Variants in PEAK1 observed in about 807,000 individuals in gnomAD.
The protein encoded by PEAK1 is inactive tyrosine-protein kinase PEAK1.
A neutral mutation model predicts 124.7 loss-of-function variants in PEAK1; 54 were observed. The observed-to-expected ratio is 0.43, with a 90% CI of 0.35 to 0.54. The LOEUF (loss-of-function observed/expected upper bound fraction) is 0.54. Ranked by LOEUF, PEAK1 falls within the 20% of genes least tolerant of loss-of-function variation. PEAK1 has a pLI of 0.01. For synonymous variants in PEAK1, 719 were observed against 760.0 expected (o/e 0.95, Z 0.89); for missense variants, 2,046 against 2,134.5 (o/e 0.96, Z 0.82).
rs781121837 is a variant in PEAK1, at chr15:77,179,602, T to C, written c.2325A>G (p.Gln775=). Residue 775 remains glutamine (Q), a synonymous_variant, in exon 7 of 10, where the codon CAA becomes CAG. Coordinates refer to ENST00000682557, the MANE Select transcript of PEAK1 (RefSeq NM_001385026.1). ...TVLSQIVASI[Q]PPQSPPETPQ... is the part of the protein sequence containing the mutation. ...GTGTTTCTGGAGGAGACTGTGGGGGTTGGATTGAAGCCACAATCTGAGAAA... is the reference window on the plus strand; with the variant it reads ...GTGTTTCTGGAGGAGACTGTGGGGGCTGGATTGAAGCCACAATCTGAGAAA... The C allele has an allele frequency of 1.7e-5, 28 of 1,613,954 alleles. No homozygotes were observed. The highest frequency in any genetic ancestry group is 2.2e-5 in the East Asian group (1 of 44,876).
intron 6 of PEAK1, among the ~76,000 whole-genome samples, chr15:77,192,404 C>T (rs17383078): frequency 0.22 from 33,965 of 152,160 alleles, 4,237 homozygotes; most frequent in Middle Eastern, 0.3. Context: ...AATAGGTTTC[C>T]ACAGGACTGT....
intron 2 of PEAK1, among the ~76,000 whole-genome samples, chr15:77,324,910 A>G (rs1218628042): frequency 6.6e-6 from 1 of 152,198 alleles, no homozygotes; most frequent in Non-Finnish European, 1.5e-5. Flanking sequence ...ATGGGGACAC[A>G]GATTCAAACC....
At chr15:77,198,036 A>C (rs1287595061) in intron 6 of PEAK1, among the ~76,000 whole-genome samples, 1 of 152,194 alleles carries the variant, frequency 6.6e-6, no homozygotes, top group Non-Finnish European at 1.5e-5. Context: ...CTATTATAAA[A>C]AGTTAAAATT....
In PEAK1 at chr15:77,161,639, T is replaced by C. The variant is rs541954835; in HGVS notation, c.3138-2943A>G. Among the ~76,000 whole-genome samples the C allele has an allele frequency of 9.4e-4, 143 of 152,284 alleles. 1 individual carries two copies. Among genetic ancestry groups the C allele is most frequent in the African/African-American group, 3.4e-3 (140 of 41,554 alleles). On this transcript the variant is annotated intron_variant, in intron 7 of 9. Coordinates refer to ENST00000682557, the MANE Select transcript of PEAK1 (RefSeq NM_001385026.1). Reference sequence around the variant, plus strand: ...AAAAATGCATCAGTGATATGTCATGTCTTAATGCTTAAAGGAAGAATAGCT... The same window carrying C: ...AAAAATGCATCAGTGATATGTCATGCCTTAATGCTTAAAGGAAGAATAGCT...
At chr15:77,282,283 G>A (rs1413413083) in intron 5 of PEAK1, among the ~76,000 whole-genome samples, 3 of 151,922 alleles carry the variant, frequency 2.0e-5, no homozygotes, top group Non-Finnish European at 4.4e-5. Flanking sequence ...CTCATTTTTA[G>A]AAAATATCCT....
chr15:77,270,624 G>A (rs142062651), intron 5 of PEAK1, among the ~76,000 whole-genome samples: 2 of 152,144 alleles, frequency 1.3e-5, no homozygotes, highest in Non-Finnish European at 2.9e-5. Flanking sequence ...CAACGGCTAA[G>A]CTCATAGGCT....
intron 8 of PEAK1, chr15:77,156,483 G>C (rs1035397913): frequency 6.5e-6 from 1 of 153,870 alleles, no homozygotes; most frequent in African/African-American, 2.4e-5. Context: ...GCTTCAGCTC[G>C]CGCACGGTGT....
chr15:77,244,004 G>A (rs1473068581), intron 6 of PEAK1, among the ~76,000 whole-genome samples: 2 of 151,372 alleles, frequency 1.3e-5, no homozygotes, highest in Admixed American at 1.3e-4. Flanking sequence ...GAAACCCACA[G>A]ATGGTTGGCA....
At chr15:77,335,905 A>C (rs887331370) in intron 2 of PEAK1, 9 of 985,290 alleles carry the variant, frequency 9.1e-6, no homozygotes, top group African/African-American at 1.7e-5. Flanking sequence ...ATTGCACTTC[A>C]GGAAACAAAT....
rs893543496 is a variant in PEAK1, at chr15:77,252,544, T to C, written c.-274-18A>G. 39 of 976,444 alleles carry C rather than the reference T, an allele frequency of 4.0e-5. No homozygotes were observed. Among genetic ancestry groups the C allele is most frequent in the Non-Finnish European group, 4.4e-5 (36 of 821,920 alleles). The allele number at this position is 976,444 out of a possible 1,614,324, so 60.5% of individuals were successfully genotyped here. A position where few individuals can be genotyped will look rare whatever the true frequency, so the allele number is the denominator to read the frequency against. Reference sequence around the variant, plus strand: ...AATGTTTACTGCAAGAGAAAAAAAATAGAGCAAAACTGGAGAGTAATATAA... The same window carrying C: ...AATGTTTACTGCAAGAGAAAAAAAACAGAGCAAAACTGGAGAGTAATATAA... On this transcript the variant is annotated intron_variant, in intron 5 of 9. Transcript: ENST00000682557.
rs2051131106 is a variant in PEAK1 at position 77,113,960 on chromosome 15, A to G, written c.*196T>C. 1 of 590,424 alleles carries G rather than the reference A, an allele frequency of 1.7e-6. No homozygotes were observed. Among genetic ancestry groups the G allele is most frequent in the East Asian group, 2.8e-5 (1 of 35,444 alleles). The allele number at this position is 590,424 out of a possible 1,614,324, so 36.6% of individuals were successfully genotyped here. ...CAAGTTTGTGCAGCTGAATTTCTGTAAAGTTAAGACAGACTCAGCTTCTCA... is the reference window on the plus strand; with the variant it reads ...CAAGTTTGTGCAGCTGAATTTCTGTGAAGTTAAGACAGACTCAGCTTCTCA... On this transcript the variant is annotated 3_prime_UTR_variant, in exon 10 of 10. Coordinates refer to ENST00000682557, the MANE Select transcript of PEAK1 (RefSeq NM_001385026.1).
chr15:77,332,367 A>C (rs2065940992), intron 2 of PEAK1: 1 of 575,962 alleles, frequency 1.7e-6, no homozygotes, highest in African/African-American at 2.0e-5. Context: ...TGGGAGGCTG[A>C]GAGGGGCAGA....
chr15:77,164,343 A>G (rs1260866327), intron 7 of PEAK1, among the ~76,000 whole-genome samples: 1 of 152,240 alleles, frequency 6.6e-6, no homozygotes, highest in East Asian at 1.9e-4. Flanking sequence ...AGTTCTGCTA[A>G]TATTTCTAAC....
intron 9 of PEAK1, among the ~76,000 whole-genome samples, chr15:77,117,274 A>G (rs1342799447): frequency 3.9e-5 from 6 of 152,226 alleles, no homozygotes; most frequent in Non-Finnish European, 7.3e-5. Context: ...CCTGGGATTT[A>G]GCTTTGCTAC....
intron 7 of PEAK1, among the ~76,000 whole-genome samples, chr15:77,176,438 C>T (rs1203883718): frequency 6.6e-6 from 1 of 152,086 alleles, no homozygotes. Flanking sequence ...CCAGCAGCAT[C>T]AGTATCACCC....
At chr15:77,163,505 A>G (rs1211112410) in intron 7 of PEAK1, among the ~76,000 whole-genome samples, 1 of 152,214 alleles carries the variant, frequency 6.6e-6, no homozygotes, top group Non-Finnish European at 1.5e-5. Flanking sequence ...TCATTACACC[A>G]TCTAATGAAA....
chr15:77,220,335 A>G (rs34828432), intron 6 of PEAK1, among the ~76,000 whole-genome samples: 11,674 of 151,978 alleles, frequency 0.077, 557 homozygotes, highest in Non-Finnish European at 0.1. Flanking sequence ...TTTCAGAAAA[A>G]ATTAAATGTC....
chr15:77,413,777 G>C (rs555458098), intron 1 of PEAK1, among the ~76,000 whole-genome samples: 94 of 150,892 alleles, frequency 6.2e-4, no homozygotes, highest in African/African-American at 2.2e-3. Context: ...TGGTTATGTA[G>C]GATGTTAACA....
Position 77,275,474 on chromosome 15 carries a change from T to C in PEAK1, c.-275+8409A>G, listed in dbSNP as rs141089402. 1.2e-4 allele frequency among the ~76,000 whole-genome samples: 18 copies of C among 152,182 alleles called. No homozygotes were observed. The East Asian group carries it at 2.9e-3, about 24-fold the overall frequency. Reference sequence around the variant, plus strand: ...GGCTCATGCCTATAATCCCAGCACTTTGGGAGGCCGAGGCGGGTGGATCAT... The same window carrying C: ...GGCTCATGCCTATAATCCCAGCACTCTGGGAGGCCGAGGCGGGTGGATCAT... On this transcript the variant is annotated intron_variant, in intron 5 of 9. Coordinates refer to ENST00000682557, the MANE Select transcript of PEAK1 (RefSeq NM_001385026.1).
Sources: gnomAD v4.1 joint callset for allele counts (sites outside exome capture counted in the v4.1 genomes callset) on GRCh38, gnomAD v4.1.1 for gene constraint, MANE v1.5 for transcripts, NCBI Gene and HGNC (gene_info 2026-07-23, HGNC 2026-07-21) for gene names.